The following SUGT1 variants were observed in gnomAD, a reference collection of about 807,000 sequenced individuals.
SUGT1 encodes SGT1 assembly cochaperone of MIS12 kinetochore complex.
SUGT1 carries 15 observed loss-of-function variants against 56.1 expected under a neutral mutation model. The observed-to-expected ratio is 0.27, with a 90% CI of 0.18 to 0.41. The LOEUF (loss-of-function observed/expected upper bound fraction) is 0.41, where lower values mean the gene tolerates loss of function less well. SUGT1 is among the 10% of genes least tolerant of loss of function. The pLI is 1.00. For missense variants in SUGT1, 347 were observed against 382.2 expected (o/e 0.91, Z 0.77); for synonymous variants, 123 against 128.6 (o/e 0.96, Z 0.30).
At chr13:52,655,394 G>A (rs1962114562) in intron 2 of SUGT1, among the ~76,000 whole-genome samples, 1 of 152,172 alleles carries the variant, frequency 6.6e-6, no homozygotes, top group Non-Finnish European at 1.5e-5. Context: ...TGATTATGGA[G>A]ATCCGTCAAG....
chr13:52,665,786 G>C, intron 9 of SUGT1, 53 bp downstream of exon 9: 1 of 1,192,356 alleles, frequency 8.4e-7, no homozygotes, highest in East Asian at 2.4e-5. Flanking sequence ...TGCAAATTTA[G>C]TATATTGCAG....
chr13:52,655,036 G>A (rs983629368), intron 2 of SUGT1, among the ~76,000 whole-genome samples: 3 of 152,176 alleles, frequency 2.0e-5, no homozygotes, highest in African/African-American at 4.8e-5. Flanking sequence ...AGCATTATCA[G>A]CATCACCTGG....
chr13:52,678,204 T>C (rs1963226132), intron 11 of SUGT1, among the ~76,000 whole-genome samples: 1 of 152,182 alleles, frequency 6.6e-6, no homozygotes, highest in Non-Finnish European at 1.5e-5. Flanking sequence ...ACCTGGCTAC[T>C]AGTGAAAATG....
intron 4 of SUGT1, 133 bp downstream of exon 4, chr13:52,658,601 C>A: frequency 1.3e-6 from 1 of 748,768 alleles, no homozygotes; most frequent in Non-Finnish European, 2.0e-6. Flanking sequence ...AGATATGATT[C>A]AATTTTAAAT....
chr13:52,680,370 G>A (rs1963323554), intron 12 of SUGT1, among the ~76,000 whole-genome samples: 1 of 152,110 alleles, frequency 6.6e-6, no homozygotes, highest in African/African-American at 2.4e-5. Flanking sequence ...TCTTAAATAG[G>A]TATTTTTTAT....
At chr13:52,676,133 A>G (rs1963133382) in intron 10 of SUGT1, 97 bp from the exon 11 acceptor site, 11 of 876,478 alleles carry the variant, frequency 1.3e-5, no homozygotes, top group Non-Finnish European at 1.7e-5. Context: ...CAAAGATACT[A>G]TTCTTAACAA....
intron 7 of SUGT1, 24 bp from the exon 8 acceptor site, chr13:52,664,011 T>TA (rs1566180690): frequency 6.2e-7 from 1 of 1,612,044 alleles, no homozygotes; most frequent in Non-Finnish European, 8.5e-7. Flanking sequence ...TCTTTCAACT[T>TA]ACCAAAATCA....
intron 6 of SUGT1, 56 bp downstream of exon 6, chr13:52,662,758 A>C: frequency 6.4e-7 from 1 of 1,567,702 alleles, no homozygotes; most frequent in Non-Finnish European, 8.6e-7. Flanking sequence ...AACATCTGAA[A>C]TTTTTTTGGT....
At chr13:52,669,960 T>C (rs528566996) in intron 10 of SUGT1, among the ~76,000 whole-genome samples, 1 of 152,354 alleles carries the variant, frequency 6.6e-6, no homozygotes, top group African/African-American at 2.4e-5. Flanking sequence ...GCTTTTCATG[T>C]ATTCAGATAT....
At chr13:52,682,969 G>A (rs1963433460) in intron 12 of SUGT1, among the ~76,000 whole-genome samples, 1 of 152,126 alleles carries the variant, frequency 6.6e-6, no homozygotes, top group African/African-American at 2.4e-5. Flanking sequence ...GCTGGACTCA[G>A]TTCTAGGAGT....
chr13:52,674,928 G>A (rs570478341), intron 10 of SUGT1, among the ~76,000 whole-genome samples: 1 of 152,246 alleles, frequency 6.6e-6, no homozygotes, highest in African/African-American at 2.4e-5. Context: ...CAGAGGCCTA[G>A]CCTTAATTAG....
At chr13:52,685,164 T>C (rs927823294) in intron 12 of SUGT1, among the ~76,000 whole-genome samples, 3 of 151,640 alleles carry the variant, frequency 2.0e-5, no homozygotes, top group African/African-American at 4.8e-5. Flanking sequence ...ACTCCTGAGC[T>C]GAAGTGATCC....
At position 52,698,433 on chromosome 13, in the gene SUGT1, C is replaced by G. The variant is rs1485781747; in HGVS notation, c.*10598C>G. The G allele has an allele frequency of 7.6e-6, 1 of 131,398 alleles. No homozygotes were observed. Among genetic ancestry groups the G allele is most frequent in the African/African-American group, 2.7e-5 (1 of 36,592 alleles). The allele number at this position is 131,398 out of a possible 1,614,324, so 8.1% of individuals were successfully genotyped here. ...GTTGGTGATAGACTCTCTCTTAAAA[C>G]TTATTTATCCTAATCTTTTTTTTTT... On this transcript the variant is annotated 3_prime_UTR_variant, in exon 13 of 13. Transcript: ENST00000310528.
In SUGT1 at chr13:52,653,064, G is replaced by T. The variant is rs1961984813; in HGVS notation, c.57G>T (p.Ser19=). Residue 19 remains serine (S), a synonymous_variant, in exon 2 of 13, where the codon TCG becomes TCT. Transcript: ENST00000310528. The part of the protein sequence containing the change: ...ATSQRFFQSF[S]DALIDEDPQA... Reference sequence around the variant, plus strand: ...CTGACAGGTTTTTCCAGAGCTTCTCGGATGCCCTAATCGACGAGGACCCCC... The same window carrying T: ...CTGACAGGTTTTTCCAGAGCTTCTCTGATGCCCTAATCGACGAGGACCCCC... 3 of 1,613,990 alleles carry T rather than the reference G, an allele frequency of 1.9e-6. No individual in the cohort carries two copies. Among genetic ancestry groups the T allele is most frequent in the African/African-American group, 1.3e-5 (1 of 74,896 alleles).
At position 52,693,845 on chromosome 13, in the gene SUGT1, C is replaced by T. The variant is rs1276227318; in HGVS notation, c.*6010C>T. The T allele has an allele frequency of 6.6e-6, 1 of 152,160 alleles. No individual in the cohort carries two copies. The allele number at this position is 152,160 out of a possible 1,614,324, so 9.4% of individuals were successfully genotyped here. On this transcript the variant is annotated 3_prime_UTR_variant, in exon 13 of 13. Transcript: ENST00000310528. The stretch of plus-strand genomic sequence containing the variant: ...TAATTATAGAATGCTAGCACTGATC[C>T]TGCTGAAATTGTTACAAAATACAGC...
At position 52,696,277 on chromosome 13, in the gene SUGT1, A is replaced by G. The variant is rs1265442900; in HGVS notation, c.*8442A>G. 1 of 152,150 alleles carries G rather than the reference A, an allele frequency of 6.6e-6. No individual in the cohort carries two copies. The highest frequency in any genetic ancestry group is 1.5e-5 in the Non-Finnish European group (1 of 68,038). 9.4% of individuals were successfully genotyped at this position (152,150 alleles called of 1,614,324 possible). A position where few individuals can be genotyped will look rare whatever the true frequency, so the allele number is the denominator to read the frequency against. The stretch of plus-strand genomic sequence containing the variant: ...CATTCATTCTATGAGATCTCAATTA[A>G]AATGTCAGTACTCTTGTGGAACTCC... On this transcript the variant is annotated 3_prime_UTR_variant, in exon 13 of 13. Coordinates refer to ENST00000310528, the MANE Select transcript of SUGT1 (RefSeq NM_006704.5).
intron 9 of SUGT1, 57 bp from the exon 10 acceptor site, chr13:52,666,755 T>G: frequency 8.8e-7 from 1 of 1,140,544 alleles, no homozygotes; most frequent in Non-Finnish European, 1.3e-6. Context: ...TTGTGTAGGT[T>G]TTTTACCCTC....
intron 10 of SUGT1, among the ~76,000 whole-genome samples, chr13:52,671,096 T>C (rs1226240294): frequency 6.6e-6 from 1 of 151,854 alleles, no homozygotes; most frequent in Non-Finnish European, 1.5e-5. Context: ...GATAATATAA[T>C]GGAATGGGGT....
rs1026699811 is a variant in SUGT1, at chr13:52,676,456, C to T, written c.718+136C>T. 1.2e-4 allele frequency: 80 copies of T among 685,056 alleles called. 1 individual carries two copies. Among genetic ancestry groups the T allele is most frequent in the Middle Eastern group, 8.8e-4 (3 of 3,414 alleles). The allele number at this position is 685,056 out of a possible 1,614,324, so 42.4% of individuals were successfully genotyped here. On this transcript the variant is annotated intron_variant, in intron 11 of 12. Coordinates refer to ENST00000310528, the MANE Select transcript of SUGT1 (RefSeq NM_006704.5). ...TACATTGAGTATAATAAGGTTGCTC[C>T]GTAATGAATATAAAGTAGCCTTTCT...
Sources: gnomAD v4.1 joint callset for allele counts (sites outside exome capture counted in the v4.1 genomes callset) on GRCh38, gnomAD v4.1.1 for gene constraint, MANE v1.5 for transcripts, NCBI Gene and HGNC (gene_info 2026-07-23, HGNC 2026-07-21) for gene names.